The following CACNA1D variants were observed in gnomAD, a reference collection of about 807,000 sequenced individuals.
The protein encoded by CACNA1D is voltage-dependent L-type calcium channel subunit alpha-1D.
Under a neutral mutation model 257.1 loss-of-function variants are expected in CACNA1D, and 55 were observed. The observed-to-expected ratio is 0.21, with a 90% CI of 0.17 to 0.27. The LOEUF (loss-of-function observed/expected upper bound fraction) is 0.27, where lower values mean the gene tolerates loss of function less well. Among genes scored for constraint, CACNA1D ranks in the 10% least tolerant of loss-of-function variants. The pLI is 1.00. For missense variants in CACNA1D, 1,876 were observed against 2,784.0 expected (o/e 0.67, Z 7.34); for synonymous variants, 980 against 1,014.9 (o/e 0.97, Z 0.65).
chr3:53,668,857 A>AT (rs1181195226), intron 7 of CACNA1D, among the ~76,000 whole-genome samples: 2 of 152,028 alleles, frequency 1.3e-5, no homozygotes, highest in Non-Finnish European at 2.9e-5. Flanking sequence ...ATTTTGTATG[A>AT]TTTTTCTGTG....
chr3:53,679,960 T>C (rs1267863757), intron 8 of CACNA1D, among the ~76,000 whole-genome samples: 1 of 152,248 alleles, frequency 6.6e-6, no homozygotes, highest in Admixed American at 6.5e-5. Flanking sequence ...TTCCTTTTTC[T>C]AATAAAGAAC....
chr3:53,668,908 A>G (rs535272184), intron 7 of CACNA1D, among the ~76,000 whole-genome samples: 5 of 152,088 alleles, frequency 3.3e-5, no homozygotes, highest in Admixed American at 6.5e-5. Flanking sequence ...CCCACCAACT[A>G]TTTCAAATTG....
At chr3:53,792,277 GGT>G (rs2106656454) in intron 40 of CACNA1D, 1 of 152,262 alleles carries the variant, frequency 6.6e-6, no homozygotes, top group Admixed American at 6.5e-5. Context: ...GGTCGATAAG[GGT>G]GTCTGATCTT....
intron 39 of CACNA1D, 48 bp from the exon 40 acceptor site, chr3:53,786,774 G>T (rs996764364): frequency 3.0e-6 from 4 of 1,324,172 alleles, no homozygotes; most frequent in Non-Finnish European, 4.0e-6. Flanking sequence ...TTAGGCTCTT[G>T]GTCTAATGTG....
intron 3 of CACNA1D, among the ~76,000 whole-genome samples, chr3:53,571,736 A>G (rs1415929286): frequency 6.6e-6 from 1 of 152,162 alleles, no homozygotes; most frequent in Non-Finnish European, 1.5e-5. Flanking sequence ...CGCCTTTTTT[A>G]GACCTCCGCA....
chr3:53,744,730 C>T lies in CACNA1D; in HGVS notation c.2919-10C>T. On this transcript the variant is annotated splice_polypyrimidine_tract_variant and intron_variant, in intron 22 of 47. Transcript: ENST00000350061. ...ACGCTCTGCCTGCCGTCTTTCTGCT[C>T]CTTCCCTAGATCCAGTGCCATCTCC... The T allele has an allele frequency of 6.5e-7, 1 of 1,540,384 alleles. No homozygotes were observed. Among genetic ancestry groups the T allele is most frequent in the Non-Finnish European group, 9.0e-7 (1 of 1,112,598 alleles).
Position 53,749,322 on chromosome 3 carries a change from C to A in CACNA1D, c.3369C>A (p.Asn1123Lys), listed in dbSNP as rs753177006. 10 of 1,613,814 alleles carry A rather than the reference C, an allele frequency of 6.2e-6. No individual in the cohort carries two copies. The Admixed American group carries it at 1.7e-4, about 27-fold the overall frequency. Reference sequence around the variant, plus strand: ...GAGAGAACATCGGCCCAATCTACAACCACCGCGTGGAGATCTCCATCTTCT... The same window carrying A: ...GAGAGAACATCGGCCCAATCTACAAACACCGCGTGGAGATCTCCATCTTCT... ...SNGENIGPIY[N>K]HRVEISIFFI... Residue 1123 changes from asparagine to lysine, a missense_variant, in exon 27 of 48, where the codon AAC (asparagine) becomes AAA (lysine). Asn to Lys is a moderately conservative substitution (Grantham distance 94, BLOSUM62 0). Transcript: ENST00000350061.
Position 53,811,058 on chromosome 3 carries a change from TGCCCTGCAAA to T in CACNA1D, c.6193-51_6193-42del. 7.1e-7 allele frequency: 1 copy of T among 1,415,588 alleles called. No homozygotes were observed. Among genetic ancestry groups the T allele is most frequent in the Non-Finnish European group, 1.0e-6 (1 of 999,426 alleles). 87.7% of individuals were successfully genotyped at this position (1,415,588 alleles called of 1,614,324 possible). A position where few individuals can be genotyped will look rare whatever the true frequency, so the allele number is the denominator to read the frequency against. On this transcript the variant is annotated intron_variant, in intron 47 of 47. Coordinates refer to ENST00000350061, the MANE Select transcript of CACNA1D (RefSeq NM_001128840.3). The surrounding 1 kb of genome is among the most constrained non-coding windows in gnomAD (Gnocchi z 4.2). ...GGAGTTGATTTTTCTGTCGTCCCCC[TGCCCTGCAAA>T]GCCTTATAACACCCCCATGCCATCC... is the stretch of plus-strand genomic sequence containing the variant.
intron 9 of CACNA1D, among the ~76,000 whole-genome samples, 166 bp downstream of exon 9, chr3:53,702,976 G>T (rs1198405638): frequency 6.6e-6 from 1 of 152,132 alleles, no homozygotes. Context: ...AGGTGCATTG[G>T]TGCTGACTCT....
chr3:53,745,878 G>A lies in CACNA1D; in HGVS notation c.3167+3G>A. On this transcript the variant is annotated splice_donor_region_variant and intron_variant, in intron 25 of 47. Coordinates refer to ENST00000350061, the MANE Select transcript of CACNA1D (RefSeq NM_001128840.3). ...AAAAGTAACCCTGAAGAATGCAGGT[G>A]AGCGTCCTGAGAGTGGAGTAGGGGA... 4 of 1,611,412 alleles carry A rather than the reference G, an allele frequency of 2.5e-6. No individual in the cohort carries two copies. The highest frequency in any genetic ancestry group is 3.4e-6 in the Non-Finnish European group (4 of 1,177,522).
chr3:53,719,782 G>A lies in CACNA1D; in HGVS notation c.1505+1G>A. On this transcript the variant is annotated splice_donor_variant, in intron 11 of 47. Coordinates refer to ENST00000350061, the MANE Select transcript of CACNA1D (RefSeq NM_001128840.3). LOFTEE classifies it high-confidence loss of function. ...AAGCCATCTCAAAATCCAAACTCAGGTCAGTATCTTCTTTCTGTTTCTTCG... is the reference window on the plus strand; with the variant it reads ...AAGCCATCTCAAAATCCAAACTCAGATCAGTATCTTCTTTCTGTTTCTTCG... The A allele has an allele frequency of 6.2e-7, 1 of 1,613,410 alleles. No individual in the cohort carries two copies.
chr3:53,712,411 C>G (rs1303356472), intron 9 of CACNA1D, among the ~76,000 whole-genome samples: 1 of 152,216 alleles, frequency 6.6e-6, no homozygotes. Context: ...GGGCATAATT[C>G]TTGCTTGAGA....
intron 29 of CACNA1D, among the ~76,000 whole-genome samples, chr3:53,756,371 C>G (rs1012418014): frequency 6.6e-6 from 1 of 152,246 alleles, no homozygotes; most frequent in South Asian, 2.1e-4. Flanking sequence ...GGGAAGTAGA[C>G]AGAGGGAGAA....
chr3:53,516,752 T>G (rs2091351500), intron 3 of CACNA1D, among the ~76,000 whole-genome samples: 1 of 152,222 alleles, frequency 6.6e-6, no homozygotes, highest in African/African-American at 2.4e-5. Context: ...AGGCCCAGCA[T>G]TTTTTCTGTG....
At chr3:53,508,932 A>G (rs747449039) in intron 3 of CACNA1D, among the ~76,000 whole-genome samples, 6 of 152,162 alleles carry the variant, frequency 3.9e-5, no homozygotes, top group Non-Finnish European at 5.9e-5. Flanking sequence ...ACAGATGTGC[A>G]GAAGGGAGGG....
intron 30 of CACNA1D, chr3:53,762,444 C>T (rs1213666673): frequency 1.9e-5 from 8 of 426,622 alleles, no homozygotes; most frequent in Non-Finnish European, 2.8e-5. Context: ...TTCAAGTCGC[C>T]GTGTGGCGCG....
intron 2 of CACNA1D, among the ~76,000 whole-genome samples, chr3:53,500,665 G>A (rs1395009506): frequency 6.6e-6 from 1 of 152,206 alleles, no homozygotes; most frequent in Non-Finnish European, 1.5e-5. Context: ...TGAGGCTGGT[G>A]CTCACAAAAC....
At chr3:53,691,864 T>TATATCTATA (rs2094529354) in intron 8 of CACNA1D, among the ~76,000 whole-genome samples, 6 of 110,576 alleles carry the variant, frequency 5.4e-5, no homozygotes, top group East Asian at 2.4e-4. Flanking sequence ...TAATATATAT[T>TATATCTATA]ATATATATTA....
intron 4 of CACNA1D, among the ~76,000 whole-genome samples, chr3:53,656,931 A>C (rs1163529820): frequency 1.3e-5 from 2 of 152,208 alleles, no homozygotes; most frequent in African/African-American, 2.4e-5. Context: ...ATATGGAACA[A>C]CTGGAACTCT....
Sources: gnomAD v4.1 joint callset for allele counts (sites outside exome capture counted in the v4.1 genomes callset) on GRCh38, gnomAD v4.1.1 for gene constraint, Gnocchi (gnomAD v3.1) non-coding constraint, MANE v1.5 for transcripts, NCBI Gene and HGNC (gene_info 2026-07-23, HGNC 2026-07-21) for gene names.